The following KYAT3 variants were observed in gnomAD, a reference collection of about 807,000 sequenced individuals.
KYAT3 encodes kynurenine--oxoglutarate transaminase 3.
Under a neutral mutation model 59.0 loss-of-function variants are expected in KYAT3, and 50 were observed. The observed-to-expected ratio is 0.85, with a 90% confidence interval of 0.68 to 1.07. KYAT3 has a LOEUF of 1.07. Among genes scored for constraint, KYAT3 ranks in the 50% least tolerant of loss-of-function variants. The pLI is 0.00. For missense variants in KYAT3, 497 were observed against 533.3 expected (o/e 0.93, Z 0.67); for synonymous variants, 148 against 177.0 (o/e 0.84, Z 1.30).
At chr1:88,933,963 A>AG (rs570115988), downstream of KYAT3, among the ~76,000 whole-genome samples, 80 of 152,280 alleles carry the variant, frequency 5.3e-4, no homozygotes, top group South Asian at 0.016. Context: ...TTATAACTGG[A>AG]GGGAAGGAAG....
Position 88,983,012 on chromosome 1 carries a change from T to C in KYAT3, c.99+5240A>G, listed in dbSNP as rs748988549. The stretch of plus-strand genomic sequence containing the variant: ...GGAACCTCCACTTGGATGATCTGAA[T>C]AGTCACGATCACGACCATATCCATC... On this transcript the variant is annotated intron_variant, in intron 2 of 13. Coordinates refer to ENST00000260508, the MANE Select transcript of KYAT3 (RefSeq NM_001008661.3). 13 of 1,612,950 alleles carry C rather than the reference T, an allele frequency of 8.1e-6. No individual in the cohort carries two copies. The African/African-American group carries it at 1.5e-4, about 18-fold the overall frequency.
intron 10 of KYAT3, 32 bp downstream of exon 10, chr1:88,953,031 A>G (rs2101032199): frequency 7.6e-7 from 1 of 1,321,114 alleles, no homozygotes; most frequent in South Asian, 1.2e-5. Flanking sequence ...CCAAAAGACA[A>G]TGCTTCTACC....
At chr1:88,981,734 T>C (rs1677099492) in intron 2 of KYAT3, 1 of 180,678 alleles carries the variant, frequency 5.5e-6, no homozygotes, top group African/African-American at 2.4e-5. Flanking sequence ...ACAAACATAA[T>C]GAGCACAATC....
intron 2 of KYAT3, chr1:88,982,603 C>G (rs771687449): frequency 1.3e-6 from 2 of 1,539,092 alleles, no homozygotes; most frequent in East Asian, 2.3e-5. Flanking sequence ...AGTTTCCACT[C>G]TTTTTTTTGT....
intron 8 of KYAT3, 61 bp from the exon 9 acceptor site, chr1:88,955,286 C>A: frequency 1.0e-6 from 1 of 952,680 alleles, no homozygotes; most frequent in South Asian, 1.4e-5. Flanking sequence ...TTAGTATAAT[C>A]TAAAAACATA....
At chr1:88,970,558 T>C (rs894161745) in intron 2 of KYAT3, among the ~76,000 whole-genome samples, 8 of 152,184 alleles carry the variant, frequency 5.3e-5, no homozygotes, top group African/African-American at 1.9e-4. Flanking sequence ...TCTAAAAATA[T>C]TACTAGAATG....
intron 2 of KYAT3, among the ~76,000 whole-genome samples, chr1:88,979,221 A>G (rs41288369): frequency 0.019 from 2,912 of 152,242 alleles, 46 homozygotes; most frequent in Non-Finnish European, 0.029. Context: ...CTTCATCTCC[A>G]TTTGTACCCA....
At chr1:88,937,026 C>G (rs1363109414) in intron 13 of KYAT3, among the ~76,000 whole-genome samples, 3 of 152,178 alleles carry the variant, frequency 2.0e-5, no homozygotes, top group Non-Finnish European at 4.4e-5. Context: ...ATAGTGCTGG[C>G]TGGAACAGGA....
chr1:88,936,858 T>G (rs1675057427), intron 13 of KYAT3, among the ~76,000 whole-genome samples: 1 of 152,220 alleles, frequency 6.6e-6, no homozygotes, highest in African/African-American at 2.4e-5. Context: ...TTCTTTGTCT[T>G]CTCTCTCCAT....
chr1:88,980,569 C>G (rs1020979855), intron 2 of KYAT3: 1 of 152,552 alleles, frequency 6.6e-6, no homozygotes, highest in African/African-American at 2.4e-5. Flanking sequence ...TTCTGTTTTA[C>G]AACCAGTATA....
intron 4 of KYAT3, among the ~76,000 whole-genome samples, chr1:88,968,369 T>C (rs2101054524): frequency 6.6e-6 from 1 of 152,262 alleles, no homozygotes; most frequent in Middle Eastern, 3.4e-3. Flanking sequence ...TAAATGTTGA[T>C]GAGATAGAAA....
At position 88,983,111 on chromosome 1, in the gene KYAT3, C is replaced by T. The variant is rs748002776; in HGVS notation, c.99+5141G>A. The T allele has an allele frequency of 2.8e-5, 45 of 1,612,230 alleles. No homozygotes were observed. The Admixed American group carries it at 6.8e-4, about 24-fold the overall frequency. ...ACCATAATCACGGTAAGTATAATCTCGTGGTGGTGGTGCATAATCTCTTGT... is the reference window on the plus strand; with the variant it reads ...ACCATAATCACGGTAAGTATAATCTTGTGGTGGTGGTGCATAATCTCTTGT... On this transcript the variant is annotated intron_variant, in intron 2 of 13. Transcript: ENST00000260508.
chr1:88,934,131 G>T (rs547967900), downstream of KYAT3, among the ~76,000 whole-genome samples: 1 of 152,256 alleles, frequency 6.6e-6, no homozygotes, highest in Admixed American at 6.5e-5. Context: ...TTTGAGGTGA[G>T]AATGGAGGTA....
At chr1:88,989,579 G>A (rs937902468) in intron 1 of KYAT3, among the ~76,000 whole-genome samples, 1 of 152,178 alleles carries the variant, frequency 6.6e-6, no homozygotes, top group African/African-American at 2.4e-5. Context: ...GAAAATGGAA[G>A]AGAAAGGAAG....
At chr1:88,944,277 T>C (rs1675351730) in intron 11 of KYAT3, among the ~76,000 whole-genome samples, 2 of 152,246 alleles carry the variant, frequency 1.3e-5, no homozygotes, top group South Asian at 4.1e-4. Context: ...TTGAGGCAGA[T>C]ATCTTACTTC....
chr1:88,936,739 A>G (rs1675053254), intron 13 of KYAT3, among the ~76,000 whole-genome samples: 1 of 152,242 alleles, frequency 6.6e-6, no homozygotes, highest in South Asian at 2.1e-4. Context: ...ATTGAAAAAT[A>G]GTTTATTTTT....
intron 2 of KYAT3, among the ~76,000 whole-genome samples, chr1:88,972,069 T>C (rs903718776): frequency 6.6e-5 from 10 of 152,218 alleles, no homozygotes; most frequent in Non-Finnish European, 1.3e-4. Flanking sequence ...ATGTGAGCTA[T>C]ACATACATTT....
chr1:88,984,009 A>T, intron 2 of KYAT3: 1 of 520,722 alleles, frequency 1.9e-6, no homozygotes, highest in Non-Finnish European at 3.5e-6. Flanking sequence ...CCATTCAAAA[A>T]ACCAGGAAAA....
intron 4 of KYAT3, among the ~76,000 whole-genome samples, chr1:88,965,379 T>C (rs1321380903): frequency 1.3e-5 from 2 of 152,214 alleles, no homozygotes; most frequent in Non-Finnish European, 2.9e-5. Flanking sequence ...TGGCTCTTCC[T>C]GATTGCTGGA....
Sources: gnomAD v4.1 joint callset for allele counts (sites outside exome capture counted in the v4.1 genomes callset) on GRCh38, gnomAD v4.1.1 for gene constraint, MANE v1.5 for transcripts, NCBI Gene and HGNC (gene_info 2026-07-23, HGNC 2026-07-21) for gene names.